The following RNF152 variants were observed in gnomAD, a reference collection of about 807,000 sequenced individuals.
RNF152 encodes the protein ring finger protein 152.
In RNF152, 11 loss-of-function variants were observed where a neutral mutation model predicts 12.7. The observed-to-expected ratio is 0.86, with a 90% CI of 0.54 to 1.43. RNF152 has a LOEUF of 1.43. Ranked by LOEUF, RNF152 falls within the 40% of genes most tolerant of loss-of-function variation. The probability of loss-of-function intolerance (pLI) is 0.00; values close to 1 mark genes in which losing one functional copy is unlikely to be tolerated. For synonymous variants in RNF152, 113 were observed against 120.3 expected (o/e 0.94, Z 0.40); for missense variants, 255 against 274.8 (o/e 0.93, Z 0.51).
At chr18:61,824,703 T>C (rs897458278) in intron 1 of RNF152, among the ~76,000 whole-genome samples, 2 of 152,192 alleles carry the variant, frequency 1.3e-5, no homozygotes, top group Non-Finnish European at 2.9e-5. Context: ...TGTTACCAGA[T>C]GAAGGGGGTC....
intron 1 of RNF152, among the ~76,000 whole-genome samples, chr18:61,847,088 T>C (rs1475100645): frequency 1.3e-5 from 2 of 151,802 alleles, no homozygotes; most frequent in Non-Finnish European, 2.9e-5. Context: ...ACACCGGTAC[T>C]CCTCCCCCAT....
At chr18:61,832,966 A>G (rs1910016893) in intron 1 of RNF152, among the ~76,000 whole-genome samples, 1 of 152,220 alleles carries the variant, frequency 6.6e-6, no homozygotes, top group Non-Finnish European at 1.5e-5. Context: ...GAAAATCTGT[A>G]TCTGCTTAAT....
intron 1 of RNF152, among the ~76,000 whole-genome samples, chr18:61,876,449 A>G (rs966803567): frequency 6.6e-6 from 1 of 152,240 alleles, no homozygotes; most frequent in East Asian, 1.9e-4. Context: ...AAGTACACTC[A>G]GCCCACAAAA....
intron 1 of RNF152, among the ~76,000 whole-genome samples, chr18:61,835,728 C>T (rs1245324307): frequency 3.3e-5 from 5 of 152,174 alleles, no homozygotes; most frequent in South Asian, 4.2e-4. Context: ...GCACTCCATA[C>T]GCCTTTAGTG....
chr18:61,824,482 C>T (rs938746786), intron 1 of RNF152, among the ~76,000 whole-genome samples: 2 of 152,184 alleles, frequency 1.3e-5, no homozygotes, highest in African/African-American at 4.8e-5. Flanking sequence ...GGCAAGAATG[C>T]GCATTTATGT....
intron 1 of RNF152, among the ~76,000 whole-genome samples, chr18:61,880,913 C>CT (rs71179000): frequency 0.052 from 6,863 of 131,738 alleles, 278 homozygotes; most frequent in Non-Finnish European, 0.076. Context: ...CTCTAGTTTT[C>CT]TTTTTTTTTT....
intron 1 of RNF152, among the ~76,000 whole-genome samples, chr18:61,887,171 TG>T (rs929615091): frequency 1.2e-4 from 18 of 152,256 alleles, no homozygotes; most frequent in African/African-American, 4.3e-4. Context: ...GGGGAAAACT[TG>T]AAAAGCAAAA....
rs984147965 is a variant in RNF152 at position 61,813,119 on chromosome 18, T to G, written c.*2733A>C. The G allele has an allele frequency of 6.6e-6, 1 of 152,214 alleles. No individual in the cohort carries two copies. The highest frequency in any genetic ancestry group is 2.4e-5 in the African/African-American group (1 of 41,446). The allele number at this position is 152,214 out of a possible 1,614,324, so 9.4% of individuals were successfully genotyped here. On this transcript the variant is annotated 3_prime_UTR_variant, in exon 2 of 2. Coordinates refer to ENST00000312828, the MANE Select transcript of RNF152 (RefSeq NM_173557.3). ...TGCAAGTATGAATCCTGGCCTCTTG[T>G]GTCAGTGGACTTTGGTCACATGGGT...
intron 1 of RNF152, among the ~76,000 whole-genome samples, chr18:61,831,640 C>T (rs1425261515): frequency 6.6e-6 from 1 of 151,908 alleles, no homozygotes; most frequent in Admixed American, 6.6e-5. Flanking sequence ...ATTTAGAACA[C>T]AATGCTCACT....
chr18:61,848,526 C>T (rs1253999434), intron 1 of RNF152, among the ~76,000 whole-genome samples: 1 of 152,218 alleles, frequency 6.6e-6, no homozygotes, highest in Non-Finnish European at 1.5e-5. Flanking sequence ...CACACAGCCC[C>T]CCAGGCTGTA....
At chr18:61,841,965 C>G (rs1910475434) in intron 1 of RNF152, among the ~76,000 whole-genome samples, 1 of 152,194 alleles carries the variant, frequency 6.6e-6, no homozygotes, top group Non-Finnish European at 1.5e-5. Flanking sequence ...ATGGACATGA[C>G]TGTGTTCCAA....
chr18:61,824,771 A>G (rs1395121110), intron 1 of RNF152, among the ~76,000 whole-genome samples: 1 of 152,230 alleles, frequency 6.6e-6, no homozygotes, highest in Non-Finnish European at 1.5e-5. Context: ...CAGGAAGCCA[A>G]GGTTAGCGCT....
chr18:61,842,229 C>G lies in RNF152; in HGVS notation c.-135-25631G>C, dbSNP rs970914179. Among the ~76,000 whole-genome samples the G allele has an allele frequency of 5.9e-5, 9 of 152,280 alleles. 1 individual carries two copies. Among genetic ancestry groups the G allele is most frequent in the Admixed American group, 2.6e-4 (4 of 15,302 alleles). On this transcript the variant is annotated intron_variant, in intron 1 of 1. Transcript: ENST00000312828. ...ATTTGTCGTGAACAAGCCATTGTTC[C>G]ATTTTCTAGCCAACACAGTGAGTGT... is the stretch of plus-strand genomic sequence containing the variant.
chr18:61,817,389 T>C (rs531351584), intron 1 of RNF152, among the ~76,000 whole-genome samples: 38 of 152,348 alleles, frequency 2.5e-4, no homozygotes, highest in Admixed American at 3.9e-4. Flanking sequence ...GCAAGTACGA[T>C]TGACCCATGA....
intron 1 of RNF152, among the ~76,000 whole-genome samples, chr18:61,869,804 A>G (rs1470698047): frequency 6.6e-6 from 1 of 152,220 alleles, no homozygotes; most frequent in Non-Finnish European, 1.5e-5. Flanking sequence ...TCATAAACTC[A>G]GACAAGCCAC....
At chr18:61,871,128 A>T (rs922356555) in intron 1 of RNF152, among the ~76,000 whole-genome samples, 1 of 152,024 alleles carries the variant, frequency 6.6e-6, no homozygotes, top group Non-Finnish European at 1.5e-5. Context: ...AGGTGTGTAC[A>T]TGTTACCTTC....
chr18:61,817,386 C>T (rs1019487503), intron 1 of RNF152, among the ~76,000 whole-genome samples: 5 of 152,162 alleles, frequency 3.3e-5, no homozygotes, highest in African/African-American at 9.7e-5. Context: ...AAAGCAAGTA[C>T]GATTGACCCA....
In RNF152 at chr18:61,816,240, A is replaced by T; in HGVS notation, c.224T>A (p.Val75Asp). 1 of 1,614,100 alleles carries T rather than the reference A, an allele frequency of 6.2e-7. No homozygotes were observed. The change falls in exon 2 of 2, where the codon GTC becomes GAC. Residue 75 changes from valine (V) to aspartate (D), a missense_variant. Coordinates refer to ENST00000312828, the MANE Select transcript of RNF152 (RefSeq NM_173557.3). ...GTGTGGAATGGCGATGACAGCCAGGACCTCCGGGTCGTCCGGGAGCTGCGA... is the reference window on the plus strand; with the variant it reads ...GTGTGGAATGGCGATGACAGCCAGGTCCTCCGGGTCGTCCGGGAGCTGCGA... ...SVSQLPDDPEVLAVIAIPHTS... is the reference protein window; with the variant it reads ...SVSQLPDDPEDLAVIAIPHTS...
intron 1 of RNF152, among the ~76,000 whole-genome samples, chr18:61,843,803 G>A (rs1910559596): frequency 6.6e-6 from 1 of 151,998 alleles, no homozygotes; most frequent in African/African-American, 2.4e-5. Context: ...CAGGGAATGG[G>A]GAAAGAGGAC....
Sources: allele counts gnomAD v4.1 joint callset (sites outside exome capture counted in the v4.1 genomes callset), GRCh38; gene constraint gnomAD v4.1.1; transcripts MANE v1.5; gene names NCBI Gene and HGNC (gene_info 2026-07-23, HGNC 2026-07-21).